The following GAREM1 variants were observed in gnomAD, a reference collection of about 807,000 sequenced individuals.
GAREM1 encodes GRB2 associated regulator of MAPK1 subtype 1.
Under a neutral mutation model 71.3 loss-of-function variants are expected in GAREM1, and 26 were observed. The observed-to-expected ratio is 0.36, with a 90% CI of 0.27 to 0.51. The LOEUF (loss-of-function observed/expected upper bound fraction) is 0.51, where lower values mean the gene tolerates loss of function less well. Among genes scored for constraint, GAREM1 ranks in the 20% least tolerant of loss-of-function variants. The pLI is 0.95. For synonymous variants in GAREM1, 440 were observed against 433.2 expected (o/e 1.02, Z -0.20); for missense variants, 1,026 against 1,103.1 (o/e 0.93, Z 0.99).
intron 2 of GAREM1, among the ~76,000 whole-genome samples, chr18:32,358,191 C>T (rs1435977180): frequency 2.1e-5 from 3 of 144,582 alleles, no homozygotes; most frequent in East Asian, 2.1e-4. Context: ...GGGACCCTTT[C>T]GGAGAGCACA....
intron 1 of GAREM1, among the ~76,000 whole-genome samples, chr18:32,443,771 C>T (rs76049731): frequency 6.6e-6 from 1 of 152,186 alleles, no homozygotes; most frequent in East Asian, 1.9e-4. Flanking sequence ...GTTGTAGGTA[C>T]GCATCCAACA....
intron 2 of GAREM1, among the ~76,000 whole-genome samples, chr18:32,378,064 G>A (rs776738887): frequency 4.0e-5 from 5 of 123,804 alleles, no homozygotes; most frequent in Non-Finnish European, 5.1e-5. Flanking sequence ...GTGTGCGCGC[G>A]GGCGCTTTGG....
intron 2 of GAREM1, among the ~76,000 whole-genome samples, chr18:32,358,080 G>A (rs11877702): frequency 0.1 from 15,477 of 151,352 alleles, 1,423 homozygotes; most frequent in African/African-American, 0.24. Flanking sequence ...AGTTAGCACC[G>A]TCTATCCCCT....
intron 1 of GAREM1, among the ~76,000 whole-genome samples, chr18:32,420,755 G>GAAAAAAAAAA (rs10683034): frequency 1.6e-5 from 2 of 123,202 alleles, no homozygotes; most frequent in Non-Finnish European, 3.6e-5. Context: ...CTTCAAAAAT[G>GAAAAAAAAAA]AAAAAAAAAA....
chr18:32,308,503 A>G (rs2144514698), intron 3 of GAREM1, among the ~76,000 whole-genome samples: 1 of 150,240 alleles, frequency 6.7e-6, no homozygotes, highest in Non-Finnish European at 1.5e-5. Flanking sequence ...AAGGAGTTTA[A>G]AACTACTAAC....
intron 2 of GAREM1, among the ~76,000 whole-genome samples, chr18:32,319,167 A>G (rs1469538300): frequency 6.6e-6 from 1 of 152,200 alleles, no homozygotes. Flanking sequence ...CAACTGTACA[A>G]ATGAAATGCA....
Position 32,470,537 on chromosome 18 carries a change from C to CCGGGCAGCTCCGGCCG in GAREM1, c.-125_-110dup, listed in dbSNP as rs1206527693. 2.6e-6 allele frequency: 2 copies of CCGGGCAGCTCCGGCCG among 782,328 alleles called. No individual in the cohort carries two copies. Among genetic ancestry groups the CCGGGCAGCTCCGGCCG allele is most frequent in the African/African-American group, 3.8e-5 (2 of 52,906 alleles). 48.5% of individuals were successfully genotyped at this position (782,328 alleles called of 1,614,324 possible). On this transcript the variant is annotated 5_prime_UTR_variant, in exon 1 of 6. Coordinates refer to ENST00000269209, the MANE Select transcript of GAREM1 (RefSeq NM_001242409.2). This position sits in a 1 kb window ranked among gnomAD's most constrained non-coding sequence, Gnocchi z 4.4. ...CGCGGTCTGGGGCGCGCGGGAGGCGCCGGGCAGCTCCGGCCGCGGGCAGCC... is the reference window on the plus strand; with the variant it reads ...CGCGGTCTGGGGCGCGCGGGAGGCGCCGGGCAGCTCCGGCCGCGGGCAGCTCCGGCCGCGGGCAGCC...
Position 32,264,968 on chromosome 18 carries a change from C to T in GAREM1, c.*2903G>A, listed in dbSNP as rs2041353334. Reference sequence around the variant, plus strand: ...GATAAGATGATAAGTCTTGACCTGGCTGGTTAGAAGGGTTCTGTGTGTGGA... The same window carrying T: ...GATAAGATGATAAGTCTTGACCTGGTTGGTTAGAAGGGTTCTGTGTGTGGA... On this transcript the variant is annotated 3_prime_UTR_variant, in exon 6 of 6. Coordinates refer to ENST00000269209, the MANE Select transcript of GAREM1 (RefSeq NM_001242409.2). 1 of 152,182 alleles carries T rather than the reference C, an allele frequency of 6.6e-6. No homozygotes were observed. Among genetic ancestry groups the T allele is most frequent in the Non-Finnish European group, 1.5e-5 (1 of 68,050 alleles). 9.4% of individuals were successfully genotyped at this position (152,182 alleles called of 1,614,324 possible).
chr18:32,337,480 G>A (rs1483610174), intron 2 of GAREM1, among the ~76,000 whole-genome samples: 2 of 152,188 alleles, frequency 1.3e-5, no homozygotes, highest in African/African-American at 4.8e-5. Flanking sequence ...AATTCTGTGC[G>A]CTATTACCCG....
chr18:32,457,202 G>T (rs1320035964), intron 1 of GAREM1, among the ~76,000 whole-genome samples: 16 of 104,308 alleles, frequency 1.5e-4, no homozygotes, highest in South Asian at 4.0e-4. Context: ...GTGTGTGTAG[G>T]GGGGGAGAGA....
At chr18:32,360,457 G>C (rs1339922612) in intron 2 of GAREM1, among the ~76,000 whole-genome samples, 1 of 152,084 alleles carries the variant, frequency 6.6e-6, no homozygotes, top group Admixed American at 6.5e-5. Flanking sequence ...TGCATGAAAG[G>C]GGCTTGTTGA....
intron 2 of GAREM1, among the ~76,000 whole-genome samples, chr18:32,314,593 G>GTTTT (rs568011044): frequency 2.8e-5 from 4 of 143,648 alleles, no homozygotes; most frequent in Non-Finnish European, 3.0e-5. Flanking sequence ...TTTTGTTGTT[G>GTTTT]TTTTTTTTTT....
At chr18:32,466,096 A>G (rs1375897469) in intron 1 of GAREM1, among the ~76,000 whole-genome samples, 4 of 152,216 alleles carry the variant, frequency 2.6e-5, no homozygotes, top group Non-Finnish European at 4.4e-5. Context: ...CTTTGTTTTA[A>G]AAACAACCAG....
At chr18:32,294,740 T>C (rs2047123916) in intron 3 of GAREM1, among the ~76,000 whole-genome samples, 1 of 152,180 alleles carries the variant, frequency 6.6e-6, no homozygotes, top group Non-Finnish European at 1.5e-5. Flanking sequence ...AGGTTTTTTC[T>C]CCAGTTAATT....
chr18:32,430,591 G>C (rs1457073264), intron 1 of GAREM1, among the ~76,000 whole-genome samples: 1 of 152,214 alleles, frequency 6.6e-6, no homozygotes, highest in African/African-American at 2.4e-5. Flanking sequence ...ATAAACCATA[G>C]AGAGACTGCA....
chr18:32,356,842 A>G (rs761695663), intron 2 of GAREM1, among the ~76,000 whole-genome samples: 161 of 152,276 alleles, frequency 1.1e-3, no homozygotes, highest in Non-Finnish European at 1.9e-3. Flanking sequence ...CATCATTATG[A>G]TGATATTTGA....
intron 1 of GAREM1, among the ~76,000 whole-genome samples, chr18:32,396,798 A>G (rs942824015): frequency 6.6e-6 from 1 of 152,156 alleles, no homozygotes; most frequent in Non-Finnish European, 1.5e-5. Context: ...TACAGGAAAT[A>G]CAGAGAATGC....
intron 1 of GAREM1, among the ~76,000 whole-genome samples, chr18:32,459,705 C>T (rs1265104541): frequency 1.3e-5 from 2 of 152,182 alleles, no homozygotes; most frequent in East Asian, 3.9e-4. Context: ...CTGAAACAGG[C>T]TAAAAATGAA....
At chr18:32,399,283 A>C (rs988008444) in intron 1 of GAREM1, among the ~76,000 whole-genome samples, 2 of 152,170 alleles carry the variant, frequency 1.3e-5, no homozygotes, top group Non-Finnish European at 2.9e-5. Flanking sequence ...GCCCTCTCTC[A>C]CCACTCCTAT....
Sources: allele counts gnomAD v4.1 joint callset (sites outside exome capture counted in the v4.1 genomes callset), GRCh38; gene constraint gnomAD v4.1.1; non-coding constraint Gnocchi (gnomAD v3.1); transcripts MANE v1.5; gene names NCBI Gene and HGNC (gene_info 2026-07-23, HGNC 2026-07-21).